Variants in RPS6KA5 observed in about 807,000 individuals in gnomAD.
RPS6KA5 encodes ribosomal protein S6 kinase alpha-5.
In RPS6KA5, 27 loss-of-function variants were observed where a neutral mutation model predicts 85.5. The observed-to-expected ratio is 0.32, with a 90% CI of 0.23 to 0.44. The LOEUF (loss-of-function observed/expected upper bound fraction) is 0.44. RPS6KA5 is among the 20% of genes least tolerant of loss of function. The pLI is 1.00. For synonymous variants in RPS6KA5, 334 were observed against 348.2 expected, an observed-to-expected ratio of 0.96 and a Z score of 0.46; for missense variants, 811 against 980.9, an observed-to-expected ratio of 0.83 and a Z score of 2.31.
chr14:90,951,783 C>A (rs1025142111), intron 3 of RPS6KA5, among the ~76,000 whole-genome samples: 1 of 152,102 alleles, frequency 6.6e-6, no homozygotes, highest in South Asian at 2.1e-4. Context: ...AAGGGCATTA[C>A]CCCCAGAGGC....
chr14:90,964,201 T>G (rs1191558246), intron 3 of RPS6KA5, among the ~76,000 whole-genome samples: 2 of 152,242 alleles, frequency 1.3e-5, no homozygotes, highest in Non-Finnish European at 1.5e-5. Flanking sequence ...GCAACACATG[T>G]GGCTAAGCTG....
intron 14 of RPS6KA5, among the ~76,000 whole-genome samples, chr14:90,888,863 C>G (rs1389526828): frequency 6.6e-6 from 1 of 152,136 alleles, no homozygotes; most frequent in Admixed American, 6.5e-5. Context: ...TTACCATAAA[C>G]AAAGTTTTAA....
At chr14:90,877,198 T>C (rs904559079) in intron 14 of RPS6KA5, among the ~76,000 whole-genome samples, 1 of 152,218 alleles carries the variant, frequency 6.6e-6, no homozygotes, top group African/African-American at 2.4e-5. Context: ...AAAAACTATA[T>C]GCATGAGAAT....
At chr14:90,877,587 C>T (rs1463929036) in intron 14 of RPS6KA5, among the ~76,000 whole-genome samples, 1 of 152,188 alleles carries the variant, frequency 6.6e-6, no homozygotes, top group East Asian at 1.9e-4. Flanking sequence ...CTGACTCTTG[C>T]CTTTCTTTTT....
chr14:90,891,104 A>G (rs1371275132), intron 13 of RPS6KA5, among the ~76,000 whole-genome samples: 1 of 151,802 alleles, frequency 6.6e-6, no homozygotes, highest in East Asian at 1.9e-4. Context: ...CCACCTCTGT[A>G]TTGCTAGCTT....
In RPS6KA5 at chr14:90,997,437, G is replaced by T. The variant is rs1193935278; in HGVS notation, c.175+3651C>A. Among the ~76,000 whole-genome samples the T allele has an allele frequency of 2.0e-5, 3 of 152,120 alleles. No homozygotes were observed. In the East Asian group the frequency reaches 5.8e-4, roughly 29 times the overall value. On this transcript the variant is annotated intron_variant, in intron 2 of 16. Transcript: ENST00000614987. ...GCTCTGTTGCCTAGGGTGGAGTACAGTGGCACAATCATGGCATACTGCAGC... is the reference window on the plus strand; with the variant it reads ...GCTCTGTTGCCTAGGGTGGAGTACATTGGCACAATCATGGCATACTGCAGC...
chr14:90,957,893 G>C (rs1025696430), intron 3 of RPS6KA5, among the ~76,000 whole-genome samples: 2 of 151,442 alleles, frequency 1.3e-5, no homozygotes, highest in African/African-American at 4.9e-5. Context: ...TGAAATCTCA[G>C]CACTTGGAAA....
chr14:90,907,157 T>C (rs1408201410), intron 7 of RPS6KA5, among the ~76,000 whole-genome samples: 2 of 152,158 alleles, frequency 1.3e-5, no homozygotes, highest in African/African-American at 2.4e-5. Flanking sequence ...TAACACAATA[T>C]ATATGAAGAC....
chr14:91,028,962 GT>G (rs1199795402), intron 1 of RPS6KA5, among the ~76,000 whole-genome samples: 1 of 152,120 alleles, frequency 6.6e-6, no homozygotes, highest in Non-Finnish European at 1.5e-5. Flanking sequence ...ATCTGAAGGG[GT>G]AGTAAACACA....
chr14:90,996,953 A>T (rs2040551609), intron 2 of RPS6KA5, among the ~76,000 whole-genome samples: 1 of 152,236 alleles, frequency 6.6e-6, no homozygotes, highest in Non-Finnish European at 1.5e-5. Flanking sequence ...ATTTTACATT[A>T]CTGAATTATA....
At chr14:90,938,482 G>A (rs189546438) in intron 5 of RPS6KA5, among the ~76,000 whole-genome samples, 111 of 152,332 alleles carry the variant, frequency 7.3e-4, no homozygotes, top group Admixed American at 2.5e-3. Context: ...TAGGGGATCC[G>A]ACGTCACATT....
At position 90,851,204 on chromosome 14, in the gene RPS6KA5, AT is replaced by A. The variant is rs1952456901; in HGVS notation, c.*20869del. ...AGGCGCTCATCACCATGCCTGGCTA[AT>A]TTTTTTGTACTTTTAGTAGAGACGG... On this transcript the variant is annotated 3_prime_UTR_variant, in exon 17 of 17. Coordinates refer to ENST00000614987, the MANE Select transcript of RPS6KA5 (RefSeq NM_004755.4). 1 of 152,056 alleles carries A rather than the reference AT, an allele frequency of 6.6e-6. No homozygotes were observed. The highest frequency in any genetic ancestry group is 1.5e-5 in the Non-Finnish European group (1 of 67,982). The allele number at this position is 152,056 out of a possible 1,614,324, so 9.4% of individuals were successfully genotyped here. A position where few individuals can be genotyped will look rare whatever the true frequency, so the allele number is the denominator to read the frequency against.
At chr14:90,910,610 A>AAATCACTGACCTTT (rs1368293544) in intron 7 of RPS6KA5, among the ~76,000 whole-genome samples, 1 of 151,552 alleles carries the variant, frequency 6.6e-6, no homozygotes, top group Non-Finnish European at 1.5e-5. Context: ...CTCAAAAAAA[A>AAATCACTGACCTTT]AATCACTGAC....
intron 14 of RPS6KA5, among the ~76,000 whole-genome samples, 187 bp downstream of exon 14, chr14:90,890,300 T>TAC (rs953028674): frequency 6.6e-6 from 1 of 152,242 alleles, no homozygotes; most frequent in African/African-American, 2.4e-5. Flanking sequence ...TAGAAATTCT[T>TAC]ACATTTTCTT....
chr14:90,885,552 C>CAAAAAAAAAAAA (rs780292114), intron 14 of RPS6KA5, among the ~76,000 whole-genome samples: 2 of 19,876 alleles, frequency 1.0e-4, no homozygotes, highest in Non-Finnish European at 1.5e-4. Flanking sequence ...GACTCCGTCT[C>CAAAAAAAAAAAA]AAAAAAAAAA....
intron 2 of RPS6KA5, among the ~76,000 whole-genome samples, chr14:90,983,807 C>CTG (rs1555372453): frequency 1.3e-4 from 16 of 126,372 alleles, no homozygotes; most frequent in Admixed American, 3.3e-4. Flanking sequence ...CTCTCTCTCT[C>CTG]TCTCTCTCTG....
intron 5 of RPS6KA5, among the ~76,000 whole-genome samples, chr14:90,925,534 C>T (rs1373582961): frequency 2.0e-5 from 3 of 151,996 alleles, no homozygotes; most frequent in Non-Finnish European, 2.9e-5. Flanking sequence ...CATGGTGACA[C>T]CCTGGGACAC....
At chr14:91,006,015 G>A (rs1175402173) in intron 1 of RPS6KA5, among the ~76,000 whole-genome samples, 1 of 152,194 alleles carries the variant, frequency 6.6e-6, no homozygotes, top group Non-Finnish European at 1.5e-5. Context: ...CACTCAAAAG[G>A]AGATGGTACT....
intron 5 of RPS6KA5, among the ~76,000 whole-genome samples, chr14:90,935,422 C>T (rs2037203132): frequency 1.3e-5 from 2 of 152,122 alleles, no homozygotes; most frequent in African/African-American, 4.8e-5. Context: ...TTAGAAAGTA[C>T]TTTCACAAGC....
Sources: gnomAD v4.1 joint callset for allele counts (sites outside exome capture counted in the v4.1 genomes callset) on GRCh38, gnomAD v4.1.1 for gene constraint, MANE v1.5 for transcripts, NCBI Gene and HGNC (gene_info 2026-07-23, HGNC 2026-07-21) for gene names.